Variants in SPDYA observed in about 807,000 individuals in gnomAD.
SPDYA encodes the protein speedy protein A.
SPDYA carries 11 observed loss-of-function variants against 36.7 expected under a neutral mutation model. The ratio of observed to expected loss-of-function variants is 0.30; its 90% confidence interval spans 0.19 to 0.50. The LOEUF (loss-of-function observed/expected upper bound fraction) is 0.50. Among genes scored for constraint, SPDYA ranks in the 20% least tolerant of loss-of-function variants. SPDYA has a pLI of 0.98. For missense variants in SPDYA, 287 were observed against 370.9 expected, an observed-to-expected ratio of 0.77 and a Z score of 1.86; for synonymous variants, 115 against 118.7, an observed-to-expected ratio of 0.97 and a Z score of 0.20.
chr2:28,826,381 C>T (rs920376067), intron 5 of SPDYA, among the ~76,000 whole-genome samples: 6 of 152,116 alleles, frequency 3.9e-5, no homozygotes, highest in African/African-American at 1.4e-4. Context: ...AGGTAATCCA[C>T]CCGCCTAAGC....
intron 6 of SPDYA, among the ~76,000 whole-genome samples, chr2:28,830,267 G>A (rs1294937445): frequency 6.3e-5 from 9 of 141,826 alleles, no homozygotes; most frequent in African/African-American, 2.4e-4. Flanking sequence ...GCAGTGGTGC[G>A]ATCTCTGCTC....
intron 6 of SPDYA, among the ~76,000 whole-genome samples, chr2:28,830,377 G>C (rs1259684983): frequency 6.6e-6 from 1 of 151,824 alleles, no homozygotes; most frequent in Admixed American, 6.6e-5. Context: ...CTAATGTTTT[G>C]TATTTTTAGT....
At position 28,825,572 on chromosome 2, in the gene SPDYA, T is replaced by C. The variant is rs117854245; in HGVS notation, c.380+3162T>C. On this transcript the variant is annotated intron_variant, in intron 5 of 7. Transcript: ENST00000334056. ...CTATACAGTCTTATAATGTTTCCTT[T>C]CTATGTATTCTTATAAGACTCTGAA... Among the ~76,000 whole-genome samples, 15 of 152,328 alleles carry C rather than the reference T, an allele frequency of 9.8e-5. No individual in the cohort carries two copies. The East Asian group carries it at 2.3e-3, about 23-fold the overall frequency.
intron 5 of SPDYA, among the ~76,000 whole-genome samples, chr2:28,828,372 GT>G (rs1490966857): frequency 6.6e-6 from 1 of 152,046 alleles, no homozygotes; most frequent in Non-Finnish European, 1.5e-5. Flanking sequence ...ATTCACAGAT[GT>G]TTTCTCTGTA....
intron 7 of SPDYA, among the ~76,000 whole-genome samples, chr2:28,842,922 T>G (rs1331778733): frequency 6.6e-6 from 1 of 152,182 alleles, no homozygotes; most frequent in Non-Finnish European, 1.5e-5. Flanking sequence ...CAAAATTTTC[T>G]TCCTCCATTC....
At chr2:28,840,937 T>TC in intron 7 of SPDYA, 1 of 267,892 alleles carries the variant, frequency 3.7e-6, no homozygotes, top group Non-Finnish European at 5.7e-6. Flanking sequence ...CCAGTTTTTT[T>TC]TTTTTTTTTT....
chr2:28,850,336 C>A lies in SPDYA; in HGVS notation c.*395C>A. On this transcript the variant is annotated 3_prime_UTR_variant, in exon 8 of 8. Transcript: ENST00000334056. ...CTGAAAACATTACTCACCTGTATGA[C>A]CAGGTTGCCAGTGTACTGGTCTAGC... 3 of 1,608,726 alleles carry A rather than the reference C, an allele frequency of 1.9e-6. No individual in the cohort carries two copies. Among genetic ancestry groups the A allele is most frequent in the Non-Finnish European group, 2.6e-6 (3 of 1,176,414 alleles).
intron 6 of SPDYA, among the ~76,000 whole-genome samples, chr2:28,839,586 C>A (rs1668698060): frequency 6.6e-6 from 1 of 152,208 alleles, no homozygotes; most frequent in Non-Finnish European, 1.5e-5. Flanking sequence ...ACTGCAAGCT[C>A]CGCCTCCCGG....
intron 4 of SPDYA, among the ~76,000 whole-genome samples, chr2:28,820,110 A>T (rs989944275): frequency 1.3e-5 from 2 of 151,712 alleles, no homozygotes; most frequent in Non-Finnish European, 2.9e-5. Context: ...GAGAAAAAAT[A>T]TTCTGAGATT....
Position 28,835,267 on chromosome 2 carries a change from C to A in SPDYA, c.553-4905C>A, listed in dbSNP as rs1668567269. Among the ~76,000 whole-genome samples the A allele has an allele frequency of 2.0e-5, 3 of 151,600 alleles. No homozygotes were observed. The South Asian group carries it at 6.3e-4, about 32-fold the overall frequency. On this transcript the variant is annotated intron_variant, in intron 6 of 7. Transcript: ENST00000334056. Reference sequence around the variant, plus strand: ...TTAAGACAGAGTTTCATTCTGTCACCCAGGCTGGAGTGCAATGGCGTGATC... The same window carrying A: ...TTAAGACAGAGTTTCATTCTGTCACACAGGCTGGAGTGCAATGGCGTGATC...
At chr2:28,845,316 G>A (rs1213754047) in intron 7 of SPDYA, among the ~76,000 whole-genome samples, 1 of 146,490 alleles carries the variant, frequency 6.8e-6, no homozygotes. Flanking sequence ...TGCTGGTCTC[G>A]GACTCCTGAC....
rs554849641 is a variant in SPDYA at position 28,840,752 on chromosome 2, A to C, written c.850+283A>C. On this transcript the variant is annotated intron_variant, in intron 7 of 7. Coordinates refer to ENST00000334056, the MANE Select transcript of SPDYA (RefSeq NM_182756.4). ...CCTGAATCATTTTTTTGAAATGTTTATTTTATTCAAAAGGGTTTCAAGAAG... is the reference window on the plus strand; with the variant it reads ...CCTGAATCATTTTTTTGAAATGTTTCTTTTATTCAAAAGGGTTTCAAGAAG... 3.6e-6 allele frequency: 4 copies of C among 1,102,198 alleles called. No homozygotes were observed. The African/African-American group carries it at 6.6e-5, about 18-fold the overall frequency. 68.3% of individuals were successfully genotyped at this position (1,102,198 alleles called of 1,614,324 possible). A position where few individuals can be genotyped will look rare whatever the true frequency, so the allele number is the denominator to read the frequency against.
chr2:28,842,246 G>C (rs575033956), intron 7 of SPDYA: 2 of 152,184 alleles, frequency 1.3e-5, no homozygotes, highest in African/African-American at 2.4e-5. Flanking sequence ...AGGAGGTGGC[G>C]AAAGCATTAA....
At chr2:28,832,561 A>T (rs1278259057) in intron 6 of SPDYA, among the ~76,000 whole-genome samples, 2 of 152,150 alleles carry the variant, frequency 1.3e-5, no homozygotes, top group Admixed American at 6.5e-5. Context: ...GATACCTCAA[A>T]CTTAACGTGC....
At chr2:28,836,974 CAAG>C (rs1363002729) in intron 6 of SPDYA, among the ~76,000 whole-genome samples, 3 of 152,164 alleles carry the variant, frequency 2.0e-5, no homozygotes, top group Non-Finnish European at 2.9e-5. Flanking sequence ...GCAATTTAAT[CAAG>C]AAGTTTTTCT....
Position 28,849,978 on chromosome 2 carries a change from C to T in SPDYA, c.*37C>T, listed in dbSNP as rs753481746. 8 of 1,458,950 alleles carry T rather than the reference C, an allele frequency of 5.5e-6. No individual in the cohort carries two copies. The highest frequency in any genetic ancestry group is 4.6e-5 in the East Asian group (2 of 43,828). The allele number at this position is 1,458,950 out of a possible 1,614,324, so 90.4% of individuals were successfully genotyped here. ...TAAACCAATTTGGAATCATTAACTA[C>T]AAAATGTCAAACTAACTGCAAGACA... On this transcript the variant is annotated 3_prime_UTR_variant, in exon 8 of 8. Transcript: ENST00000334056.
At chr2:28,841,784 T>C (rs1012485822) in intron 7 of SPDYA, among the ~76,000 whole-genome samples, 3 of 152,130 alleles carry the variant, frequency 2.0e-5, no homozygotes, top group African/African-American at 7.2e-5. Context: ...TTCAGGCATA[T>C]TTTTTATTAT....
At chr2:28,838,432 C>T (rs562773155) in intron 6 of SPDYA, among the ~76,000 whole-genome samples, 3 of 152,040 alleles carry the variant, frequency 2.0e-5, no homozygotes, top group Non-Finnish European at 4.4e-5. Flanking sequence ...CCGCACACCT[C>T]AGCCTCCCAA....
chr2:28,834,700 T>C (rs1438711523), intron 6 of SPDYA, among the ~76,000 whole-genome samples: 1 of 152,186 alleles, frequency 6.6e-6, no homozygotes, highest in African/African-American at 2.4e-5. Context: ...AGATTAGTAG[T>C]TGTTATGGGC....
Sources: allele counts gnomAD v4.1 joint callset (sites outside exome capture counted in the v4.1 genomes callset), GRCh38; gene constraint gnomAD v4.1.1; transcripts MANE v1.5; gene names NCBI Gene and HGNC (gene_info 2026-07-23, HGNC 2026-07-21).